Variants in VEPH1 observed in about 807,000 individuals in gnomAD.
VEPH1 encodes the protein ventricular zone expressed PH domain containing 1, also known as ventricular zone-expressed PH domain-containing protein homolog 1.
In VEPH1, 80 loss-of-function variants were observed where a neutral mutation model predicts 85.2. The observed-to-expected ratio is 0.94, with a 90% CI of 0.78 to 1.13. The LOEUF is 1.13. Ranked by LOEUF, VEPH1 falls within the 50% of genes most tolerant of loss-of-function variation. The pLI is 0.00. For missense variants in VEPH1, 955 were observed against 980.5 expected (o/e 0.97, Z 0.35); for synonymous variants, 297 against 348.0 (o/e 0.85, Z 1.63).
chr3:157,300,209 C>T (rs1280352001), intron 11 of VEPH1, among the ~76,000 whole-genome samples: 1 of 152,146 alleles, frequency 6.6e-6, no homozygotes, highest in Non-Finnish European at 1.5e-5. Context: ...GGATTTTACT[C>T]ATGCACTGAT....
At chr3:157,465,797 T>A (rs528126963) in intron 3 of VEPH1, among the ~76,000 whole-genome samples, 1 of 152,302 alleles carries the variant, frequency 6.6e-6, no homozygotes, top group East Asian at 1.9e-4. Context: ...ACTTTCTGAT[T>A]TTCCAGCAGC....
intron 6 of VEPH1, among the ~76,000 whole-genome samples, chr3:157,382,492 C>T (rs73156776): frequency 0.085 from 12,885 of 152,132 alleles, 786 homozygotes; most frequent in African/African-American, 0.17. Context: ...TAATGATATA[C>T]CATTAATAAA....
chr3:157,339,728 C>T (rs1339510290), intron 9 of VEPH1, among the ~76,000 whole-genome samples: 1 of 152,106 alleles, frequency 6.6e-6, no homozygotes, highest in Non-Finnish European at 1.5e-5. Context: ...TCAAGAAGGT[C>T]GGGTGGCGAG....
At chr3:157,301,032 G>C (rs1045226137) in intron 11 of VEPH1, among the ~76,000 whole-genome samples, 5 of 152,204 alleles carry the variant, frequency 3.3e-5, no homozygotes, top group Non-Finnish European at 5.9e-5. Context: ...GAACTATCGT[G>C]GCTCTGGTGG....
chr3:157,286,599 C>T lies in VEPH1; in HGVS notation c.2086G>A (p.Ala696Thr). 7 of 1,614,106 alleles carry T rather than the reference C, an allele frequency of 4.3e-6. No homozygotes were observed. The highest frequency in any genetic ancestry group is 5.1e-6 in the Non-Finnish European group (6 of 1,179,976). The change falls in exon 12 of 14, where the codon GCA (alanine) becomes ACA (threonine). Residue 696 changes from alanine to threonine, a missense_variant. Coordinates refer to ENST00000362010, the MANE Select transcript of VEPH1 (RefSeq NM_001167912.2). ...DVFGFSETAG[A>T]WQCFMCNNPE... ...TTGTTGCACATGAAGCATTGCCATGCTCCTGCTGTTTCACTGAAGCCAAAC... is the reference window on the plus strand; with the variant it reads ...TTGTTGCACATGAAGCATTGCCATGTTCCTGCTGTTTCACTGAAGCCAAAC...
At chr3:157,437,923 G>A (rs755962031) in intron 4 of VEPH1, 2 of 1,528,614 alleles carry the variant, frequency 1.3e-6, no homozygotes. Context: ...AGGTAAGGAG[G>A]CAAGCGGGGC....
chr3:157,335,012 T>A (rs938157241), intron 9 of VEPH1, among the ~76,000 whole-genome samples: 2 of 152,194 alleles, frequency 1.3e-5, no homozygotes, highest in Non-Finnish European at 2.9e-5. Flanking sequence ...CTAACTACAC[T>A]ACAGACTTGT....
At chr3:157,447,966 CGATGATGATGAT>C (rs549807691) in intron 4 of VEPH1, among the ~76,000 whole-genome samples, 2 of 151,342 alleles carry the variant, frequency 1.3e-5, no homozygotes, top group African/African-American at 4.9e-5. Context: ...ACAACCAGAA[CGATGATGATGAT>C]GATGATGATG....
At chr3:157,311,472 A>C (rs1720100535) in intron 11 of VEPH1, among the ~76,000 whole-genome samples, 1 of 152,376 alleles carries the variant, frequency 6.6e-6, no homozygotes, top group Middle Eastern at 3.4e-3. Context: ...TTTCAAAAAA[A>C]TCGGAAAAAA....
At chr3:157,362,026 T>G (rs532686763) in intron 9 of VEPH1, among the ~76,000 whole-genome samples, 1 of 151,942 alleles carries the variant, frequency 6.6e-6, no homozygotes, top group African/African-American at 2.4e-5. Context: ...TTTTTTAATT[T>G]TTTTATTTTT....
intron 12 of VEPH1, among the ~76,000 whole-genome samples, chr3:157,282,035 G>A (rs1309368077): frequency 6.6e-6 from 1 of 152,068 alleles, no homozygotes; most frequent in Non-Finnish European, 1.5e-5. Context: ...TGCCCCCAAA[G>A]GAGACCCACA....
chr3:157,276,633 T>C (rs970050169), intron 12 of VEPH1, among the ~76,000 whole-genome samples: 15 of 152,230 alleles, frequency 9.9e-5, no homozygotes, highest in African/African-American at 3.6e-4. Flanking sequence ...TAAGCTTACA[T>C]TCATGTTCTT....
intron 7 of VEPH1, among the ~76,000 whole-genome samples, chr3:157,372,908 A>C (rs962216386): frequency 6.6e-6 from 1 of 152,242 alleles, no homozygotes; most frequent in Non-Finnish European, 1.5e-5. Context: ...CAATCGCTTC[A>C]TCACAGTCTG....
intron 2 of VEPH1, among the ~76,000 whole-genome samples, chr3:157,493,842 G>A (rs9841781): frequency 0.23 from 35,114 of 152,068 alleles, 4,388 homozygotes; most frequent in South Asian, 0.35. Flanking sequence ...GTGGAAGTAG[G>A]CTTTAGGGAA....
At chr3:157,435,897 G>T (rs986853903) in intron 4 of VEPH1, among the ~76,000 whole-genome samples, 1 of 152,162 alleles carries the variant, frequency 6.6e-6, no homozygotes, top group Non-Finnish European at 1.5e-5. Flanking sequence ...GTTATGAAAA[G>T]AAACATACCT....
intron 2 of VEPH1, among the ~76,000 whole-genome samples, chr3:157,477,295 T>C (rs1298746123): frequency 6.6e-6 from 1 of 152,080 alleles, no homozygotes; most frequent in Non-Finnish European, 1.5e-5. Flanking sequence ...CCTCTGCTTT[T>C]ATCATTCCCT....
intron 9 of VEPH1, among the ~76,000 whole-genome samples, chr3:157,355,812 G>A (rs1725358542): frequency 1.3e-5 from 2 of 152,054 alleles, no homozygotes; most frequent in South Asian, 4.1e-4. Context: ...TTTAATGGCT[G>A]CGGGATAATT....
At chr3:157,439,302 G>C (rs1733925754) in intron 4 of VEPH1, among the ~76,000 whole-genome samples, 1 of 152,312 alleles carries the variant, frequency 6.6e-6, no homozygotes, top group African/African-American at 2.4e-5. Flanking sequence ...GAAGAGGGAT[G>C]CATTTCTGAA....
intron 11 of VEPH1, among the ~76,000 whole-genome samples, chr3:157,312,900 A>ATTTTTTTTTTTTTTTTTTTTTTTTTTTTT (rs140277345): frequency 6.1e-5 from 6 of 98,102 alleles, no homozygotes; most frequent in Non-Finnish European, 1.2e-4. Context: ...AAAAAAAAAC[A>ATTTTTTTTTTTTTTTTTTTTTTTTTTTTT]TTTTTTTTTT....
Sources: allele counts gnomAD v4.1 joint callset (sites outside exome capture counted in the v4.1 genomes callset), GRCh38; gene constraint gnomAD v4.1.1; transcripts MANE v1.5; gene names NCBI Gene and HGNC (gene_info 2026-07-23, HGNC 2026-07-21).